Variants in ROBO2 observed in about 807,000 individuals in gnomAD.
ROBO2 encodes the protein roundabout guidance receptor 2.
ROBO2 carries 53 observed loss-of-function variants against 160.8 expected under a neutral mutation model. That is an observed-to-expected ratio of 0.33 (90% CI 0.26 to 0.41). The LOEUF (loss-of-function observed/expected upper bound fraction) is 0.41, where lower values mean the gene tolerates loss of function less well. Ranked by LOEUF, ROBO2 falls within the 10% of genes least tolerant of loss-of-function variation. The pLI, the probability that ROBO2 is intolerant of heterozygous loss-of-function variation, is 1.00. For synonymous variants in ROBO2, 664 were observed against 611.7 expected, an observed-to-expected ratio of 1.09 and a Z score of -1.26; for missense variants, 1,577 against 1,722.4, an observed-to-expected ratio of 0.92 and a Z score of 1.49.
rs558681416 is a variant in ROBO2 at position 76,294,317 on chromosome 3, G to C, written c.109+356715G>C. Reference sequence around the variant, plus strand: ...ACCCTTCCAACTCAGAAGGGAAAGAGCTCCGGCCTATTCTCAGCTCCGGCT... The same window carrying C: ...ACCCTTCCAACTCAGAAGGGAAAGACCTCCGGCCTATTCTCAGCTCCGGCT... On this transcript the variant is annotated intron_variant, in intron 2 of 26. Coordinates refer to the ROBO2 transcript ENST00000487694. Among the ~76,000 whole-genome samples, 16 of 152,246 alleles carry C rather than the reference G, an allele frequency of 1.1e-4. No individual in the cohort carries two copies. The South Asian group carries it at 3.3e-3, about 32-fold the overall frequency.
intron 2 of ROBO2, among the ~76,000 whole-genome samples, chr3:77,331,167 C>T (rs911146942): frequency 8.5e-5 from 13 of 152,260 alleles, no homozygotes; most frequent in East Asian, 3.9e-4. Flanking sequence ...CCCGTTAATA[C>T]GGTAATTACA....
intron 2 of ROBO2, among the ~76,000 whole-genome samples, chr3:76,008,255 GAAAA>G (rs2066086165): frequency 1.9e-5 from 2 of 103,716 alleles, no homozygotes; most frequent in South Asian, 6.4e-4. Flanking sequence ...AAAAAAAAAA[GAAAA>G]GAAAAAAAAA....
intron 23 of ROBO2, chr3:77,632,531 A>G (rs2153714026): frequency 6.5e-7 from 1 of 1,535,802 alleles, no homozygotes; most frequent in East Asian, 2.4e-5. Context: ...TTTTCTAGTC[A>G]TAGATCTAGT....
intron 2 of ROBO2, among the ~76,000 whole-genome samples, chr3:76,881,128 A>C (rs1577222848): frequency 1.3e-5 from 2 of 152,176 alleles, no homozygotes; most frequent in South Asian, 4.1e-4. Flanking sequence ...GACCCAGAAA[A>C]TAGTCACTGG....
intron 2 of ROBO2, among the ~76,000 whole-genome samples, chr3:76,225,725 C>CAATAA (rs563535697): frequency 2.7e-5 from 4 of 150,564 alleles, no homozygotes; most frequent in South Asian, 4.2e-4. Flanking sequence ...AAAAATAGAA[C>CAATAA]AATAAAATAA....
chr3:76,648,891 T>C (rs1242590399), intron 2 of ROBO2, among the ~76,000 whole-genome samples: 2 of 152,134 alleles, frequency 1.3e-5, no homozygotes, highest in Non-Finnish European at 2.9e-5. Context: ...ATTTTTTATT[T>C]GTAAAATTAA....
rs556769659 is a variant in ROBO2, at chr3:76,574,699, C to G, written c.110-523315C>G. ...CTCCCTGAGCTTCAAGGAGAATGAA[C>G]TAAATACATCTGTGAAATAGAACCG... On this transcript the variant is annotated intron_variant, in intron 2 of 26. Coordinates refer to the ROBO2 transcript ENST00000487694. 5.9e-5 allele frequency among the ~76,000 whole-genome samples: 9 copies of G among 152,128 alleles called. No individual in the cohort carries two copies. In the South Asian group the frequency reaches 1.9e-3, roughly 32 times the overall value.
chr3:76,947,339 C>T (rs1012798387), intron 2 of ROBO2, among the ~76,000 whole-genome samples: 1 of 152,028 alleles, frequency 6.6e-6, no homozygotes, highest in African/African-American at 2.4e-5. Context: ...GAATTTCATT[C>T]TTTTTCAGAA....
chr3:76,185,472 A>G (rs1701719511), intron 2 of ROBO2, among the ~76,000 whole-genome samples: 1 of 151,906 alleles, frequency 6.6e-6, no homozygotes, highest in Admixed American at 6.6e-5. Flanking sequence ...GCAATTATGC[A>G]GTGAAAAGAA....
chr3:76,102,827 G>GA (rs2069752745), intron 2 of ROBO2, among the ~76,000 whole-genome samples: 1 of 137,702 alleles, frequency 7.3e-6, no homozygotes, highest in African/African-American at 3.2e-5. Context: ...AAAGAGACCT[G>GA]ACTTTTTTTT....
chr3:76,178,566 A>G (rs2073311484), intron 2 of ROBO2, among the ~76,000 whole-genome samples: 1 of 152,134 alleles, frequency 6.6e-6, no homozygotes, highest in Non-Finnish European at 1.5e-5. Context: ...ATCGTGGTCC[A>G]TGAATCACTC....
At chr3:76,046,720 A>G (rs72892615) in intron 2 of ROBO2, among the ~76,000 whole-genome samples, 7,282 of 152,044 alleles carry the variant, frequency 0.048, 488 homozygotes, top group African/African-American at 0.13. Flanking sequence ...TTACTGAACT[A>G]CTTTGGTCCT....
chr3:76,787,361 C>CACACACAT (rs879742821), intron 2 of ROBO2, among the ~76,000 whole-genome samples: 295 of 150,512 alleles, frequency 2.0e-3, no homozygotes, highest in Non-Finnish European at 3.5e-3. Flanking sequence ...CACACACACA[C>CACACACAT]ACACAGAGTT....
intron 2 of ROBO2, among the ~76,000 whole-genome samples, chr3:76,317,050 G>T (rs927577061): frequency 2.4e-4 from 37 of 152,304 alleles, no homozygotes; most frequent in African/African-American, 8.4e-4. Flanking sequence ...ACTTTACATA[G>T]ATAAGAAGAC....
At chr3:76,604,891 G>C (rs2087522785) in intron 2 of ROBO2, among the ~76,000 whole-genome samples, 1 of 152,140 alleles carries the variant, frequency 6.6e-6, no homozygotes, top group Non-Finnish European at 1.5e-5. Context: ...AAAATTGTAA[G>C]TAATCAAATA....
rs187635088 is a variant in ROBO2, at chr3:76,241,395, T to C, written c.109+303793T>C. On this transcript the variant is annotated intron_variant, in intron 2 of 26. Transcript: ENST00000487694. ...TCAGTGAACAAACACTTACTGGTCA[T>C]TTGCTATGTGCTGGGTGCTGTTTTA... Among the ~76,000 whole-genome samples the C allele has an allele frequency of 2.4e-4, 36 of 152,302 alleles. No homozygotes were observed. The South Asian group carries it at 7.2e-3, about 31-fold the overall frequency.
intron 2 of ROBO2, among the ~76,000 whole-genome samples, chr3:76,775,028 G>T (rs2062153660): frequency 6.6e-6 from 1 of 150,398 alleles, no homozygotes; most frequent in South Asian, 2.1e-4. Context: ...AAATATAATT[G>T]ATATAAAAAT....
At chr3:76,488,740 G>T (rs1183999969) in intron 2 of ROBO2, among the ~76,000 whole-genome samples, 1 of 152,014 alleles carries the variant, frequency 6.6e-6, no homozygotes, top group Non-Finnish European at 1.5e-5. Flanking sequence ...TGAGAATTCA[G>T]GGGGTCTAGG....
intron 2 of ROBO2, among the ~76,000 whole-genome samples, chr3:76,036,095 CT>C (rs2067096307): frequency 6.6e-6 from 1 of 151,908 alleles, no homozygotes; most frequent in Admixed American, 6.5e-5. Context: ...CTACACATTT[CT>C]TTGGTGTAGG....
Sources: allele counts gnomAD v4.1 joint callset (sites outside exome capture counted in the v4.1 genomes callset), GRCh38; gene constraint gnomAD v4.1.1; transcripts MANE v1.5; gene names NCBI Gene and HGNC (gene_info 2026-07-23, HGNC 2026-07-21).